TSHZ2: variants seen among roughly 807,000 people sequenced by gnomAD.
TSHZ2 encodes teashirt zinc finger homeobox 2.
Under a neutral mutation model 74.4 loss-of-function variants are expected in TSHZ2, and 21 were observed. The observed-to-expected ratio is 0.28, with a 90% CI of 0.20 to 0.41. The LOEUF is 0.41. Among genes scored for constraint, TSHZ2 ranks in the 10% least tolerant of loss-of-function variants. The pLI is 1.00. For synonymous variants in TSHZ2, 540 were observed against 515.3 expected, an observed-to-expected ratio of 1.05 and a Z score of -0.65; for missense variants, 1,244 against 1,293.5, an observed-to-expected ratio of 0.96 and a Z score of 0.59.
At chr20:53,127,172 T>C (rs1325595967) in intron 1 of TSHZ2, among the ~76,000 whole-genome samples, 5 of 152,238 alleles carry the variant, frequency 3.3e-5, no homozygotes, top group Non-Finnish European at 5.9e-5. Context: ...ATGTATTCAT[T>C]CATTTGTTAT....
chr20:53,165,787 T>C (rs1264264797), intron 1 of TSHZ2, among the ~76,000 whole-genome samples: 1 of 152,108 alleles, frequency 6.6e-6, no homozygotes, highest in Admixed American at 6.5e-5. Context: ...GATGGTGAAT[T>C]TGAAACATAA....
chr20:53,187,811 G>A (rs1389046394), intron 1 of TSHZ2, among the ~76,000 whole-genome samples: 1 of 152,074 alleles, frequency 6.6e-6, no homozygotes, highest in Non-Finnish European at 1.5e-5. Flanking sequence ...TGATCTGAGG[G>A]AAAAGGGTGG....
At chr20:53,166,454 C>T (rs1009052943) in intron 1 of TSHZ2, among the ~76,000 whole-genome samples, 3 of 151,352 alleles carry the variant, frequency 2.0e-5, no homozygotes, top group African/African-American at 4.9e-5. Context: ...CCTGTCTCTA[C>T]AAAAAAAACT....
intron 2 of TSHZ2, among the ~76,000 whole-genome samples, chr20:53,338,174 A>G (rs1275940092): frequency 1.3e-5 from 2 of 152,186 alleles, no homozygotes; most frequent in Non-Finnish European, 2.9e-5. Flanking sequence ...TTACTATTCC[A>G]CCTCATAATT....
At chr20:53,332,309 C>T (rs1280026871) in intron 2 of TSHZ2, among the ~76,000 whole-genome samples, 1 of 152,160 alleles carries the variant, frequency 6.6e-6, no homozygotes, top group African/African-American at 2.4e-5. Context: ...AAGGCTTGGG[C>T]ATTAGCTATG....
chr20:53,423,330 G>A (rs1167409353), intron 2 of TSHZ2, among the ~76,000 whole-genome samples: 3 of 152,128 alleles, frequency 2.0e-5, no homozygotes, highest in Non-Finnish European at 4.4e-5. Context: ...GTTGTAGTGA[G>A]CTGAGATCAT....
chr20:53,085,936 G>C (rs1041228925), intron 1 of TSHZ2, among the ~76,000 whole-genome samples: 29 of 152,302 alleles, frequency 1.9e-4, no homozygotes, highest in South Asian at 6.2e-4. Flanking sequence ...CTCCTCTCCA[G>C]CTGCGCTCAA....
At chr20:53,451,630 A>G (rs1179056858) in intron 2 of TSHZ2, among the ~76,000 whole-genome samples, 1 of 152,220 alleles carries the variant, frequency 6.6e-6, no homozygotes, top group Non-Finnish European at 1.5e-5. Flanking sequence ...GAAGCCTGTC[A>G]TGACACTGTC....
intron 1 of TSHZ2, among the ~76,000 whole-genome samples, chr20:53,068,233 T>G (rs570500269): frequency 1.3e-5 from 2 of 152,270 alleles, no homozygotes; most frequent in South Asian, 4.2e-4. Flanking sequence ...GGGGACACAG[T>G]TTAACCCATA....
At chr20:53,267,796 T>A (rs536405654) in intron 2 of TSHZ2, among the ~76,000 whole-genome samples, 10 of 152,384 alleles carry the variant, frequency 6.6e-5, no homozygotes, top group African/African-American at 2.4e-4. Context: ...TCATATGTGC[T>A]AAGCTCAGGC....
intron 1 of TSHZ2, among the ~76,000 whole-genome samples, chr20:53,202,324 T>G (rs1989029510): frequency 6.6e-6 from 1 of 152,268 alleles, no homozygotes; most frequent in East Asian, 1.9e-4. Flanking sequence ...CTCTTCTAAG[T>G]GAAATGTGAG....
In TSHZ2 at chr20:53,201,805, C is replaced by G. The variant is rs574050287; in HGVS notation, c.41-51694C>G. 5.9e-5 allele frequency among the ~76,000 whole-genome samples: 9 copies of G among 152,280 alleles called. No individual in the cohort carries two copies. The South Asian group carries it at 1.9e-3, about 32-fold the overall frequency. On this transcript the variant is annotated intron_variant, in intron 1 of 2. Coordinates refer to ENST00000371497, the MANE Select transcript of TSHZ2 (RefSeq NM_173485.6). ...CATTGTTAAATGTTTGGCAGCATCCCTGGCCTTGACCCACTAGATGTCAGT... is the reference window on the plus strand; with the variant it reads ...CATTGTTAAATGTTTGGCAGCATCCGTGGCCTTGACCCACTAGATGTCAGT...
chr20:53,123,225 C>T (rs1986860584), intron 1 of TSHZ2, among the ~76,000 whole-genome samples: 1 of 152,338 alleles, frequency 6.6e-6, no homozygotes. Flanking sequence ...ATTGACAGGA[C>T]AGTGCTCCAT....
At chr20:53,019,797 A>G (rs1855263914) in intron 1 of TSHZ2, among the ~76,000 whole-genome samples, 2 of 152,182 alleles carry the variant, frequency 1.3e-5, no homozygotes, top group Admixed American at 1.3e-4. Flanking sequence ...TGAGTCCACA[A>G]AGCATTGAGC....
intron 1 of TSHZ2, among the ~76,000 whole-genome samples, chr20:53,208,857 T>A (rs1302880579): frequency 6.6e-6 from 1 of 152,212 alleles, no homozygotes; most frequent in Admixed American, 6.5e-5. Flanking sequence ...TAGGTGGTGC[T>A]GCTCAGCAGA....
At chr20:53,201,527 G>A (rs1214969824) in intron 1 of TSHZ2, among the ~76,000 whole-genome samples, 3 of 152,210 alleles carry the variant, frequency 2.0e-5, no homozygotes, top group East Asian at 3.9e-4. Flanking sequence ...TGGCTACCTG[G>A]AAAATCCAGG....
intron 1 of TSHZ2, among the ~76,000 whole-genome samples, chr20:53,155,052 A>ATTTTTTTTTTT (rs11475183): frequency 7.6e-5 from 9 of 118,100 alleles, no homozygotes; most frequent in African/African-American, 2.0e-4. Context: ...TTGAATATGC[A>ATTTTTTTTTTT]TTTTTTTTTT....
chr20:53,481,501 G>A, intron 2 of TSHZ2, among the ~76,000 whole-genome samples: 1 of 151,828 alleles, frequency 6.6e-6, no homozygotes, highest in Non-Finnish European at 1.5e-5. Flanking sequence ...CTGAGCCCAG[G>A]AGGCAGAGGT....
Position 53,255,063 on chromosome 20 carries a change from C to T in TSHZ2, c.1605C>T (p.Ala535=). The change falls in exon 2 of 3, where the codon GCC becomes GCT. Residue 535 remains alanine, a synonymous_variant. Coordinates refer to ENST00000371497, the MANE Select transcript of TSHZ2 (RefSeq NM_173485.6). This position sits in a 1 kb window ranked among gnomAD's most constrained non-coding sequence, Gnocchi z 4.1. ...CCATCAACAAAGCCCAAAACGGGGC[C>T]CCCAGCTGGAGTGCCTACCCCAGCA... ...TTAINKAQNG[A]PSWSAYPSIH... 1 of 1,614,092 alleles carries T rather than the reference C, an allele frequency of 6.2e-7. No individual in the cohort carries two copies.
Sources: gnomAD v4.1 joint callset for allele counts (sites outside exome capture counted in the v4.1 genomes callset) on GRCh38, gnomAD v4.1.1 for gene constraint, Gnocchi (gnomAD v3.1) non-coding constraint, MANE v1.5 for transcripts, NCBI Gene and HGNC (gene_info 2026-07-23, HGNC 2026-07-21) for gene names.